Variants in DNAH12 observed in about 807,000 individuals in gnomAD.
The protein encoded by DNAH12 is dynein axonemal heavy chain 12.
In DNAH12, 285 loss-of-function variants were observed where a neutral mutation model predicts 371.5. That is an observed-to-expected ratio of 0.77 (90% CI 0.70 to 0.85). DNAH12 has a LOEUF of 0.85. Among genes scored for constraint, DNAH12 ranks in the 40% least tolerant of loss-of-function variants. The probability of loss-of-function intolerance (pLI) is 0.00; values close to 1 mark genes in which losing one functional copy is unlikely to be tolerated. For missense variants in DNAH12, 3,611 were observed against 3,689.4 expected, an observed-to-expected ratio of 0.98 and a Z score of 0.55; for synonymous variants, 1,200 against 1,213.0, an observed-to-expected ratio of 0.99 and a Z score of 0.22.
chr3:57,525,346 G>T (rs994168483), intron 2 of DNAH12, among the ~76,000 whole-genome samples: 2 of 151,988 alleles, frequency 1.3e-5, no homozygotes, highest in Non-Finnish European at 2.9e-5. Context: ...GATCAGAATA[G>T]CATATTTGGA....
intron 62 of DNAH12, among the ~76,000 whole-genome samples, chr3:57,333,349 T>TTC (rs71088059): frequency 1.4e-5 from 2 of 144,144 alleles, no homozygotes; most frequent in Admixed American, 1.4e-4. Flanking sequence ...TTTTTTTTTT[T>TTC]AGATGGAGTC....
At chr3:57,327,446 C>T (rs1478550697) in intron 62 of DNAH12, among the ~76,000 whole-genome samples, 1 of 152,148 alleles carries the variant, frequency 6.6e-6, no homozygotes, top group African/African-American at 2.4e-5. Flanking sequence ...GAACAACCTG[C>T]TCCTGAATGA....
At chr3:57,383,703 T>C (rs2063443756) in intron 49 of DNAH12, among the ~76,000 whole-genome samples, 1 of 143,242 alleles carries the variant, frequency 7.0e-6, no homozygotes, top group African/African-American at 2.6e-5. Flanking sequence ...CAGGTTGTGG[T>C]GAGCTATGAT....
chr3:57,319,259 GT>G (rs1318690734), intron 65 of DNAH12, among the ~76,000 whole-genome samples: 1 of 152,074 alleles, frequency 6.6e-6, no homozygotes, highest in African/African-American at 2.4e-5. Flanking sequence ...GCTCTGACAG[GT>G]TTTTCTTGTG....
At chr3:57,339,119 G>C (rs2062322717) in intron 60 of DNAH12, among the ~76,000 whole-genome samples, 1 of 152,106 alleles carries the variant, frequency 6.6e-6, no homozygotes, top group Non-Finnish European at 1.5e-5. Context: ...TGTCAACTCA[G>C]GGTTAAATGG....
rs149446637 is a variant in DNAH12 at position 57,516,314 on chromosome 3, G to A, written c.280-5335C>T. On this transcript the variant is annotated intron_variant, in intron 4 of 73. Transcript: ENST00000495027. ...CCTGACCTTGTGATCCATCCGACTC[G>A]GCCTCCCAAAGTGCTGGGATTACAG... is the stretch of plus-strand genomic sequence containing the variant. Among the ~76,000 whole-genome samples, 457 of 151,298 alleles carry A rather than the reference G, an allele frequency of 3.0e-3. 2 individuals are homozygous for A. The highest frequency in any genetic ancestry group is 0.011 in the African/African-American group (443 of 41,202).
chr3:57,476,726 G>A (rs983157479), intron 13 of DNAH12, among the ~76,000 whole-genome samples: 11 of 152,218 alleles, frequency 7.2e-5, no homozygotes, highest in South Asian at 2.1e-4. Context: ...CATGTTTTAC[G>A]TAATTTTGGT....
At chr3:57,481,131 T>A (rs2066729191) in intron 13 of DNAH12, among the ~76,000 whole-genome samples, 2 of 152,148 alleles carry the variant, frequency 1.3e-5, no homozygotes, top group Non-Finnish European at 2.9e-5. Flanking sequence ...AGTCAAATTG[T>A]CCCTGTTTGC....
At chr3:57,435,615 A>C (rs1559655941) in intron 30 of DNAH12, among the ~76,000 whole-genome samples, 1 of 152,088 alleles carries the variant, frequency 6.6e-6, no homozygotes, top group Non-Finnish European at 1.5e-5. Context: ...TACTGACCAA[A>C]AAAACTGTGA....
chr3:57,356,736 T>C (rs1396323170), intron 59 of DNAH12, among the ~76,000 whole-genome samples: 4 of 152,006 alleles, frequency 2.6e-5, no homozygotes, highest in African/African-American at 4.8e-5. Flanking sequence ...TTTTCCACTT[T>C]TTTATTTTGT....
At chr3:57,510,669 A>C (rs1050646687) in intron 5 of DNAH12, 121 bp downstream of exon 5, 7 of 870,232 alleles carry the variant, frequency 8.0e-6, no homozygotes, top group Admixed American at 6.4e-5. Flanking sequence ...GAAGAAAAAA[A>C]CCAGATATAG....
intron 65 of DNAH12, among the ~76,000 whole-genome samples, chr3:57,316,332 T>G (rs111687469): frequency 1.3e-5 from 2 of 152,254 alleles, no homozygotes; most frequent in African/African-American, 4.8e-5. Flanking sequence ...GACCCAATAT[T>G]CCTTCCCATT....
Position 57,401,982 on chromosome 3 carries a change from G to A in DNAH12, c.6948+1327C>T, listed in dbSNP as rs570801333. Among the ~76,000 whole-genome samples the A allele has an allele frequency of 1.2e-3, 181 of 152,282 alleles. 1 individual carries two copies. Among genetic ancestry groups the A allele is most frequent in the African/African-American group, 3.7e-3 (155 of 41,566 alleles). On this transcript the variant is annotated intron_variant, in intron 43 of 73. Transcript: ENST00000495027. ...CATAGCTAACAAATCATGCAAAGCA[G>A]GAACTAATACTGTATCTGTCTAATT...
chr3:57,325,684 A>G (rs1046073907), intron 62 of DNAH12, among the ~76,000 whole-genome samples: 5 of 152,246 alleles, frequency 3.3e-5, no homozygotes, highest in Non-Finnish European at 7.3e-5. Flanking sequence ...CCAAAGGATC[A>G]CAGTTCCTCA....
Position 57,347,721 on chromosome 3 carries a change from TA to T in DNAH12, c.9674+4363del, listed in dbSNP as rs367887966. On this transcript the variant is annotated intron_variant, in intron 60 of 73. Coordinates refer to ENST00000495027, the MANE Select transcript of DNAH12 (RefSeq NM_001366028.2). ...TGGGTGACAGATCAAGAATCTGTCT[TA>T]AAAAAAAAAAAAAAAGCAAAAGACC... Among the ~76,000 whole-genome samples, 364 of 131,164 alleles carry T rather than the reference TA, an allele frequency of 2.8e-3. 1 individual carries two copies. Among genetic ancestry groups the T allele is most frequent in the African/African-American group, 6.2e-3 (208 of 33,730 alleles). 86.0% of individuals were successfully genotyped at this position (131,164 alleles called of 152,430 possible).
intron 60 of DNAH12, among the ~76,000 whole-genome samples, chr3:57,338,258 C>T (rs573538662): frequency 3.3e-5 from 5 of 152,300 alleles, no homozygotes; most frequent in African/African-American, 9.6e-5. Flanking sequence ...GTGATCTGCC[C>T]GCCTCGGCCT....
At chr3:57,525,698 C>G (rs1255291637) in intron 2 of DNAH12, among the ~76,000 whole-genome samples, 1 of 139,246 alleles carries the variant, frequency 7.2e-6, no homozygotes, top group African/African-American at 2.6e-5. Context: ...TTAAAATGTA[C>G]AATTAAATTA....
At chr3:57,427,138 A>ATGTGATGTGTGTGTG (rs564544771) in intron 34 of DNAH12, among the ~76,000 whole-genome samples, 4,326 of 138,788 alleles carry the variant, frequency 0.031, 249 homozygotes, top group African/African-American at 0.11. Flanking sequence ...TAAGAAGCGA[A>ATGTGATGTGTGTGTG]TGTGTGTGTG....
At chr3:57,516,225 G>A (rs1451614420) in intron 4 of DNAH12, among the ~76,000 whole-genome samples, 3 of 151,612 alleles carry the variant, frequency 2.0e-5, no homozygotes, top group Non-Finnish European at 4.4e-5. Flanking sequence ...CACCATGCCC[G>A]GCTAATTTTT....
Sources: gnomAD v4.1 joint callset for allele counts (sites outside exome capture counted in the v4.1 genomes callset) on GRCh38, gnomAD v4.1.1 for gene constraint, MANE v1.5 for transcripts, NCBI Gene and HGNC (gene_info 2026-07-23, HGNC 2026-07-21) for gene names.